LPP: variants seen among roughly 807,000 people sequenced by gnomAD.
LPP encodes lipoma-preferred partner.
A neutral mutation model predicts 60.4 loss-of-function variants in LPP; 38 were observed. That is an observed-to-expected ratio of 0.63 (90% confidence interval 0.49 to 0.83). The LOEUF is 0.83. Among genes scored for constraint, LPP ranks in the 40% least tolerant of loss-of-function variants. LPP has a pLI of 0.00. For missense variants in LPP, 902 were observed against 783.6 expected, an observed-to-expected ratio of 1.15 and a Z score of -1.80; for synonymous variants, 328 against 290.8, an observed-to-expected ratio of 1.13 and a Z score of -1.30.
intron 7 of LPP, among the ~76,000 whole-genome samples, chr3:188,637,575 G>A (rs990312068): frequency 2.6e-5 from 4 of 151,150 alleles, no homozygotes; most frequent in African/African-American, 9.7e-5. Context: ...GAATCCAGGA[G>A]CTGGTTTTTT....
chr3:188,733,447 G>T (rs1721378996), intron 8 of LPP, among the ~76,000 whole-genome samples: 2 of 152,020 alleles, frequency 1.3e-5, no homozygotes, highest in South Asian at 4.1e-4. Context: ...TCATAAATCT[G>T]TACTAAAATC....
intron 6 of LPP, among the ~76,000 whole-genome samples, chr3:188,545,111 G>A (rs1826223418): frequency 1.0e-5 from 1 of 97,336 alleles, no homozygotes; most frequent in Non-Finnish European, 2.0e-5. Flanking sequence ...TGGTGGGGTC[G>A]GGGGAGGGGG....
intron 1 of LPP, among the ~76,000 whole-genome samples, chr3:188,159,796 A>G (rs9867814): frequency 0.27 from 40,535 of 152,110 alleles, 5,674 homozygotes; most frequent in Non-Finnish European, 0.33. Flanking sequence ...GAGATTAACT[A>G]TGCCAAGGTT....
At chr3:188,223,849 C>T (rs528353334) in intron 1 of LPP, among the ~76,000 whole-genome samples, 1 of 152,260 alleles carries the variant, frequency 6.6e-6, no homozygotes, top group Admixed American at 6.5e-5. Flanking sequence ...TTCCTAACAA[C>T]CCATTTCTCA....
chr3:188,774,644 T>C (rs555091011), intron 9 of LPP, among the ~76,000 whole-genome samples: 14 of 152,314 alleles, frequency 9.2e-5, no homozygotes, highest in African/African-American at 1.9e-4. Context: ...TATTTTCTTA[T>C]AGATTGAGAA....
At position 188,362,099 on chromosome 3, in the gene LPP, C is replaced by T. The variant is rs149411664; in HGVS notation, c.-10+20380C>T. The stretch of plus-strand genomic sequence containing the variant: ...GGCTGTGGGCCCGAAGGAGGGTTTC[C>T]GTGGGCGTGAGTATGAAGGAGGGGT... On this transcript the variant is annotated intron_variant, in intron 3 of 11. Transcript: ENST00000617246. Among the ~76,000 whole-genome samples the T allele has an allele frequency of 2.1e-3, 321 of 152,154 alleles. 1 individual carries two copies. The highest frequency in any genetic ancestry group is 7.4e-3 in the African/African-American group (308 of 41,518).
At chr3:188,777,064 T>C (rs981019160) in intron 9 of LPP, among the ~76,000 whole-genome samples, 4 of 152,196 alleles carry the variant, frequency 2.6e-5, no homozygotes, top group Non-Finnish European at 5.9e-5. Flanking sequence ...ATACATCCTT[T>C]AGCATTTACC....
intron 6 of LPP, among the ~76,000 whole-genome samples, chr3:188,558,582 C>T (rs1830002205): frequency 6.6e-6 from 1 of 152,010 alleles, no homozygotes; most frequent in South Asian, 2.1e-4. Context: ...TGTGTCTAAC[C>T]CTGTGGTATC....
intron 7 of LPP, among the ~76,000 whole-genome samples, chr3:188,685,047 C>T (rs1267153943): frequency 6.6e-6 from 1 of 152,128 alleles, no homozygotes; most frequent in East Asian, 1.9e-4. Context: ...TAAAACAACC[C>T]TTTGAAATGT....
At chr3:188,390,553 C>T (rs1299550464) in intron 3 of LPP, among the ~76,000 whole-genome samples, 1 of 151,340 alleles carries the variant, frequency 6.6e-6, no homozygotes, top group Non-Finnish European at 1.5e-5. Flanking sequence ...GCCTGGAAGG[C>T]CCTGGCCTGC....
chr3:188,179,485 T>C (rs561661322), intron 1 of LPP: 1 of 457,894 alleles, frequency 2.2e-6, no homozygotes, highest in East Asian at 7.0e-5. Flanking sequence ...GGCGCCCACA[T>C]CTGCGACACG....
In LPP at chr3:188,570,315, G is replaced by C. The variant is rs112800124; in HGVS notation, c.430-38846G>C. 2.4e-3 allele frequency among the ~76,000 whole-genome samples: 367 copies of C among 152,082 alleles called. 2 individuals carry two copies. Among genetic ancestry groups the C allele is most frequent in the African/African-American group, 8.3e-3 (345 of 41,508 alleles). ...TATTGTAGAAATCCTGATGTTTTTGGTGAATGGCTTATGTTAAACTTCTCT... is the reference window on the plus strand; with the variant it reads ...TATTGTAGAAATCCTGATGTTTTTGCTGAATGGCTTATGTTAAACTTCTCT... On this transcript the variant is annotated intron_variant, in intron 6 of 11. Transcript: ENST00000617246.
intron 2 of LPP, among the ~76,000 whole-genome samples, chr3:188,306,352 G>T (rs1352042077): frequency 2.0e-5 from 3 of 151,980 alleles, no homozygotes; most frequent in South Asian, 4.1e-4. Flanking sequence ...CCCTCCCAAA[G>T]TGTTGGGATT....
intron 2 of LPP, among the ~76,000 whole-genome samples, chr3:188,302,025 A>AAT (rs1750057206): frequency 6.6e-6 from 1 of 152,022 alleles, no homozygotes; most frequent in Non-Finnish European, 1.5e-5. Context: ...ATTCTCAGGG[A>AAT]GTTTAGAGAC....
chr3:188,672,174 C>T (rs1857081755), intron 7 of LPP, among the ~76,000 whole-genome samples: 1 of 152,178 alleles, frequency 6.6e-6, no homozygotes, highest in South Asian at 2.1e-4. Context: ...AAGCTATTTG[C>T]ATTCCTGGAA....
In LPP at chr3:188,880,323, GC is replaced by G. The variant is rs1278604786; in HGVS notation, c.*5848del. ...TGGGATTACAGGCGTGAGCCACCGT[GC>G]CCCGCGTGTTTTTTTCTTTAGCTGA... On this transcript the variant is annotated 3_prime_UTR_variant, in exon 12 of 12. Coordinates refer to ENST00000617246, the MANE Select transcript of LPP (RefSeq NM_001375462.1). 5 of 177,300 alleles carry G rather than the reference GC, an allele frequency of 2.8e-5. No homozygotes were observed. The highest frequency in any genetic ancestry group is 4.7e-5 in the African/African-American group (2 of 42,368). 11.0% of individuals were successfully genotyped at this position (177,300 alleles called of 1,614,324 possible). A position where few individuals can be genotyped will look rare whatever the true frequency, so the allele number is the denominator to read the frequency against.
Position 188,882,485 on chromosome 3 carries a change from A to T in LPP, c.*8006A>T, listed in dbSNP as rs1248580726. On this transcript the variant is annotated 3_prime_UTR_variant, in exon 12 of 12. Coordinates refer to ENST00000617246, the MANE Select transcript of LPP (RefSeq NM_001375462.1). ...AGAGAAGATGATCTGCCAAAATATA[A>T]CCCAGCATGCACAGTATGGACAGGA... The T allele has an allele frequency of 4.4e-6, 1 of 226,586 alleles. No homozygotes were observed. Among genetic ancestry groups the T allele is most frequent in the Admixed American group, 5.7e-5 (1 of 17,532 alleles). The allele number at this position is 226,586 out of a possible 1,614,324, so 14.0% of individuals were successfully genotyped here.
At chr3:188,590,905 T>C (rs185642076) in intron 6 of LPP, among the ~76,000 whole-genome samples, 3 of 152,304 alleles carry the variant, frequency 2.0e-5, no homozygotes, top group Admixed American at 6.5e-5. Flanking sequence ...CAAAGGCAAA[T>C]TGATGGTCCT....
intron 3 of LPP, among the ~76,000 whole-genome samples, chr3:188,372,676 T>C (rs1388653355): frequency 6.6e-6 from 1 of 151,844 alleles, no homozygotes; most frequent in Non-Finnish European, 1.5e-5. Flanking sequence ...AGAGTAAATA[T>C]TATGTTGGCT....
Sources: allele counts gnomAD v4.1 joint callset (sites outside exome capture counted in the v4.1 genomes callset), GRCh38; gene constraint gnomAD v4.1.1; transcripts MANE v1.5; gene names NCBI Gene and HGNC (gene_info 2026-07-23, HGNC 2026-07-21).